The following LONP2 variants were observed in gnomAD, a reference collection of about 807,000 sequenced individuals.
LONP2 encodes the protein lon protease homolog 2, peroxisomal.
LONP2 carries 60 observed loss-of-function variants against 85.6 expected under a neutral mutation model. That is an observed-to-expected ratio of 0.70 (90% CI 0.57 to 0.87). LONP2 has a LOEUF of 0.87. Ranked by LOEUF, LONP2 falls within the 40% of genes least tolerant of loss-of-function variation. The pLI, the probability that LONP2 is intolerant of heterozygous loss-of-function variation, is 0.00. For missense variants in LONP2, 860 were observed against 1,063.5 expected (o/e 0.81, Z 2.66); for synonymous variants, 395 against 389.7 (o/e 1.01, Z -0.16).
chr16:48,341,301 A>AAAATAAAT (rs371563291), intron 12 of LONP2, among the ~76,000 whole-genome samples: 7 of 151,860 alleles, frequency 4.6e-5, no homozygotes, highest in Non-Finnish European at 8.8e-5. Context: ...CTCCATCTCA[A>AAAATAAAT]AAATAAATAA....
chr16:48,358,974 C>G (rs1960475275), downstream of LONP2, among the ~76,000 whole-genome samples: 1 of 152,164 alleles, frequency 6.6e-6, no homozygotes, highest in South Asian at 2.1e-4. Context: ...TGATATACCT[C>G]CACGAATATA....
intron 7 of LONP2, among the ~76,000 whole-genome samples, chr16:48,275,894 A>G (rs1972198547): frequency 1.3e-5 from 2 of 152,146 alleles, no homozygotes; most frequent in Non-Finnish European, 1.5e-5. Flanking sequence ...GTGCCTACCT[A>G]GAATATTATT....
At chr16:48,347,754 G>C (rs1423695889) in intron 13 of LONP2, 40 bp downstream of exon 13, 2 of 1,571,970 alleles carry the variant, frequency 1.3e-6, no homozygotes, top group Non-Finnish European at 1.7e-6. Flanking sequence ...TGACCCAGGA[G>C]GCGGTACCTT....
intron 7 of LONP2, among the ~76,000 whole-genome samples, chr16:48,274,228 G>T (rs1972159839): frequency 6.6e-6 from 1 of 152,024 alleles, no homozygotes; most frequent in African/African-American, 2.4e-5. Flanking sequence ...ACCACCTATT[G>T]TGCTCCTTTA....
In LONP2 at chr16:48,270,146, A is replaced by T. The variant is rs765910201; in HGVS notation, c.1113A>T (p.Leu371=). 6.2e-7 allele frequency: 1 copy of T among 1,614,044 alleles called. No individual in the cohort carries two copies. ...AAAATAACCTGAAGGGCCCAATCCT[A>T]TGCTTTGTTGGCCCTCCTGGAGTTG... is the stretch of plus-strand genomic sequence containing the variant. ...QLKNNLKGPI[L]CFVGPPGVGK... The change falls in exon 7 of 15, where the codon CTA becomes CTT. Residue 371 remains leucine (L), a synonymous_variant. Coordinates refer to ENST00000285737, the MANE Select transcript of LONP2 (RefSeq NM_031490.5).
At chr16:48,264,230 T>G (rs1324826045) in intron 6 of LONP2, among the ~76,000 whole-genome samples, 1 of 152,188 alleles carries the variant, frequency 6.6e-6, no homozygotes, top group Admixed American at 6.5e-5. Flanking sequence ...GAATTTCCTC[T>G]TCCTAATAAG....
chr16:48,326,907 A>AACAGTTGACTGTGTCCAAGTGAT (rs1959252043), intron 11 of LONP2, among the ~76,000 whole-genome samples: 1 of 152,246 alleles, frequency 6.6e-6, no homozygotes. Context: ...AATAGAGAAG[A>AACAGTTGACTGTGTCCAAGTGAT]ACAGTTGACT....
At chr16:48,347,450 G>T (rs928195877) in intron 12 of LONP2, 57 bp from the exon 13 acceptor site, 15 of 1,549,400 alleles carry the variant, frequency 9.7e-6, no homozygotes, top group Admixed American at 8.4e-5. Context: ...GGATTGTGTG[G>T]TATCAGTCAC....
At chr16:48,284,012 G>A (rs1972385086) in intron 8 of LONP2, among the ~76,000 whole-genome samples, 1 of 152,148 alleles carries the variant, frequency 6.6e-6, no homozygotes. Context: ...ACTTTGAGGG[G>A]TTCAGACTTC....
chr16:48,351,603 T>G lies in LONP2; in HGVS notation c.2360T>G (p.Val787Gly), dbSNP rs533292950. The change falls in exon 15 of 15, where the codon GTG becomes GGG. Residue 787 changes from valine (V) to glycine (G), a missense_variant. Val to Gly is a moderately radical substitution (Grantham distance 109). Around this residue, in one of 3 missense-constraint regions of LONP2, gnomAD observed 115 missense variants for 129.0 expected, o/e 0.89. Transcript: ENST00000285737. ...VLPVGGIKDK[V>G]LAAHRAGLKQ... ...CAGGTGGGTGGAATTAAAGACAAAG[T>G]GCTGGCGGCACACAGAGCGGGACTG... 1 of 1,613,956 alleles carries G rather than the reference T, an allele frequency of 6.2e-7. No individual in the cohort carries two copies. The highest frequency in any genetic ancestry group is 1.1e-5 in the South Asian group (1 of 91,076).
chr16:48,271,282 A>ACC (rs1427274521), intron 7 of LONP2, among the ~76,000 whole-genome samples: 1 of 152,196 alleles, frequency 6.6e-6, no homozygotes, highest in Admixed American at 6.5e-5. Flanking sequence ...CTCTTTGTTG[A>ACC]TCTGATGGAA....
intron 11 of LONP2, among the ~76,000 whole-genome samples, chr16:48,325,837 T>C (rs940848495): frequency 3.3e-5 from 5 of 152,222 alleles, no homozygotes; most frequent in African/African-American, 1.2e-4. Flanking sequence ...CCATACTGTT[T>C]TCCATAATGG....
chr16:48,277,468 G>C lies in LONP2; in HGVS notation c.1372G>C (p.Ala458Pro). The change falls in exon 8 of 15, where the codon GCT becomes CCT. Residue 458 changes from alanine to proline, a missense_variant. Ala to Pro is a conservative substitution (Grantham distance 27, BLOSUM62 -1). Around this residue, in one of 3 missense-constraint regions of LONP2, gnomAD observed 743 missense variants for 917.3 expected, o/e 0.81. Coordinates refer to ENST00000285737, the MANE Select transcript of LONP2 (RefSeq NM_031490.5). ...GKSLQGDPAA[A>P]LLEVLDPEQN... ...AAGTCTACAGGGTGATCCAGCAGCAGCTCTGCTTGAGGTAAGATTTGGAAA... is the reference window on the plus strand; with the variant it reads ...AAGTCTACAGGGTGATCCAGCAGCACCTCTGCTTGAGGTAAGATTTGGAAA... 6.2e-7 allele frequency: 1 copy of C among 1,613,424 alleles called. No individual in the cohort carries two copies. Among genetic ancestry groups the C allele is most frequent in the Non-Finnish European group, 8.5e-7 (1 of 1,179,656 alleles).
chr16:48,312,445 C>T (rs1023757202), intron 11 of LONP2, among the ~76,000 whole-genome samples: 1 of 151,070 alleles, frequency 6.6e-6, no homozygotes. Flanking sequence ...TTTTAGTTTA[C>T]TTTTGTTGGG....
At chr16:48,359,472 C>G (rs1960494207), downstream of LONP2, among the ~76,000 whole-genome samples, 1 of 152,144 alleles carries the variant, frequency 6.6e-6, no homozygotes, top group African/African-American at 2.4e-5. Flanking sequence ...CGCCTATAAT[C>G]CCAGCACTTG....
chr16:48,284,704 AC>A (rs1567322986), intron 8 of LONP2, among the ~76,000 whole-genome samples: 1 of 152,226 alleles, frequency 6.6e-6, no homozygotes, highest in East Asian at 1.9e-4. Flanking sequence ...ACAAAAAAAA[AC>A]ATACATGTGA....
chr16:48,337,234 T>C (rs1178633260), intron 12 of LONP2, among the ~76,000 whole-genome samples: 1 of 152,230 alleles, frequency 6.6e-6, no homozygotes, highest in Non-Finnish European at 1.5e-5. Flanking sequence ...CCAAAATAAT[T>C]CCTGCCCTTG....
intron 8 of LONP2, among the ~76,000 whole-genome samples, chr16:48,279,795 A>T (rs372322407): frequency 3.3e-5 from 5 of 152,290 alleles, no homozygotes; most frequent in Non-Finnish European, 7.4e-5. Flanking sequence ...AAATTGAGGA[A>T]AACTTACTTT....
intron 8 of LONP2, among the ~76,000 whole-genome samples, chr16:48,280,022 C>T (rs192130939): frequency 3.0e-4 from 45 of 151,970 alleles, no homozygotes; most frequent in Admixed American, 2.0e-4. Context: ...TTTGTTTGGA[C>T]GATAAAAAAG....
Sources: gnomAD v4.1 joint callset for allele counts (sites outside exome capture counted in the v4.1 genomes callset) on GRCh38, gnomAD v4.1.1 for gene constraint, gnomAD v4.1.1 regional missense constraint, MANE v1.5 for transcripts, NCBI Gene and HGNC (gene_info 2026-07-23, HGNC 2026-07-21) for gene names.